Variants in RAB7B observed in about 807,000 individuals in gnomAD.
RAB7B encodes the protein RAB7B, member RAS oncogene family, also known as ras-related protein Rab-7b.
rs1660401400 is a variant in RAB7B, at chr1:205,977,441, A to T, written c.*1410T>A. The stretch of plus-strand genomic sequence containing the variant: ...AAGAAATTGGAATTCTCTGCCTTAC[A>T]AATCCCAAAGGGCTAAACATGCCTC... On this transcript the variant is annotated 3_prime_UTR_variant, in exon 6 of 6. Transcript: ENST00000617070. 1 of 152,216 alleles carries T rather than the reference A, an allele frequency of 6.6e-6. No homozygotes were observed. Among genetic ancestry groups the T allele is most frequent in the Non-Finnish European group, 1.5e-5 (1 of 68,040 alleles). 9.4% of individuals were successfully genotyped at this position (152,216 alleles called of 1,614,324 possible).
intron 4 of RAB7B, 32 bp downstream of exon 4, chr1:205,992,448 G>A (rs1272091231): frequency 2.5e-6 from 1 of 398,572 alleles, no homozygotes; most frequent in Non-Finnish European, 4.4e-6. Context: ...CTCATATAAT[G>A]TTTGTTGAAT....
Position 205,985,674 on chromosome 1 carries a change from G to A in RAB7B, c.397-9C>T, listed in dbSNP as rs1207121887. The A allele has an allele frequency of 8.5e-5, 34 of 399,090 alleles. No individual in the cohort carries two copies. Among genetic ancestry groups the A allele is most frequent in the East Asian group, 4.6e-4 (13 of 28,048 alleles). 24.7% of individuals were successfully genotyped at this position (399,090 alleles called of 1,614,324 possible). On this transcript the variant is annotated splice_polypyrimidine_tract_variant and intron_variant, in intron 4 of 5. Transcript: ENST00000617070. Reference sequence around the variant, plus strand: ...GCTACTTCCTGGGGTACCTGAATGAGGGAAAGAAATAGGCGTGGTGTCTGT... The same window carrying A: ...GCTACTTCCTGGGGTACCTGAATGAAGGAAAGAAATAGGCGTGGTGTCTGT...
chr1:205,987,668 AG>A (rs1205340052), intron 4 of RAB7B, among the ~76,000 whole-genome samples: 1 of 152,258 alleles, frequency 6.6e-6, no homozygotes, highest in Non-Finnish European at 1.5e-5. Context: ...CTGAGCACAG[AG>A]CAAATAATTC....
chr1:205,996,036 G>A (rs1660807817), intron 1 of RAB7B, among the ~76,000 whole-genome samples: 1 of 151,060 alleles, frequency 6.6e-6, no homozygotes, highest in African/African-American at 2.4e-5. Context: ...TATTCTGGTT[G>A]GTAGGAAATT....
chr1:205,996,857 C>T (rs1660818739), intron 1 of RAB7B, among the ~76,000 whole-genome samples: 1 of 152,046 alleles, frequency 6.6e-6, no homozygotes, highest in South Asian at 2.1e-4. Flanking sequence ...AGGAAAAGCC[C>T]CTTATAAAAC....
At chr1:205,999,839 C>A (rs1660864259) in intron 1 of RAB7B, among the ~76,000 whole-genome samples, 2 of 152,220 alleles carry the variant, frequency 1.3e-5, no homozygotes, top group Admixed American at 6.5e-5. Context: ...ATGATCATAG[C>A]TCCCTGCCAC....
At chr1:206,000,413 G>T in intron 1 of RAB7B, among the ~76,000 whole-genome samples, 1 of 152,376 alleles carries the variant, frequency 6.6e-6, no homozygotes, top group East Asian at 1.9e-4. Context: ...AATTACTTCT[G>T]TGAGCAAGAG....
chr1:205,993,971 G>T (rs996163338), intron 2 of RAB7B, 112 bp downstream of exon 2: 1 of 397,428 alleles, frequency 2.5e-6, no homozygotes, highest in Non-Finnish European at 4.4e-6. Flanking sequence ...TACAGTTGCT[G>T]GTGTCACCCT....
In RAB7B at chr1:205,977,452, G is replaced by A. The variant is rs1254975988; in HGVS notation, c.*1399C>T. 6.6e-6 allele frequency: 1 copy of A among 152,106 alleles called. No homozygotes were observed. Among genetic ancestry groups the A allele is most frequent in the Non-Finnish European group, 1.5e-5 (1 of 68,018 alleles). 9.4% of individuals were successfully genotyped at this position (152,106 alleles called of 1,614,324 possible). On this transcript the variant is annotated 3_prime_UTR_variant, in exon 6 of 6. Transcript: ENST00000617070. ...ATTCTCTGCCTTACAAATCCCAAAG[G>A]GCTAAACATGCCTCCAAGCCCATGA... is the stretch of plus-strand genomic sequence containing the variant.
intron 3 of RAB7B, 103 bp downstream of exon 3, chr1:205,993,317 G>C (rs1660756401): frequency 2.5e-6 from 1 of 395,126 alleles, no homozygotes; most frequent in African/African-American, 2.1e-5. Context: ...CTCTGCTCTA[G>C]ACCATTCTAG....
intron 4 of RAB7B, among the ~76,000 whole-genome samples, chr1:205,990,297 G>A (rs1482379518): frequency 6.6e-6 from 1 of 152,218 alleles, no homozygotes; most frequent in Non-Finnish European, 1.5e-5. Context: ...CTCCCAAGAG[G>A]AGGAACAGTT....
chr1:205,980,558 G>A (rs1021302676), intron 5 of RAB7B, among the ~76,000 whole-genome samples: 154 of 152,344 alleles, frequency 1.0e-3, no homozygotes, highest in Admixed American at 1.2e-3. Flanking sequence ...GGGTGTGACT[G>A]TGGGAGTCTG....
intron 5 of RAB7B, among the ~76,000 whole-genome samples, chr1:205,984,768 C>T (rs981763876): frequency 0.21 from 32,527 of 152,086 alleles, 3,997 homozygotes; most frequent in Non-Finnish European, 0.28. Context: ...CTCCTTTTTT[C>T]CCTGTCTTGC....
intron 1 of RAB7B, among the ~76,000 whole-genome samples, chr1:206,000,781 T>C (rs907020731): frequency 0.043 from 6,491 of 152,252 alleles, 430 homozygotes; most frequent in African/African-American, 0.15. Context: ...TCCAGCACAC[T>C]CCTGCAAGGA....
chr1:205,994,360 G>C, intron 1 of RAB7B: 2 of 339,736 alleles, frequency 5.9e-6, no homozygotes, highest in Non-Finnish European at 1.1e-5. Flanking sequence ...AAGCTGGAAG[G>C]GTGGTGACTC....
At chr1:206,000,119 G>A (rs1382099547) in intron 1 of RAB7B, among the ~76,000 whole-genome samples, 3 of 152,148 alleles carry the variant, frequency 2.0e-5, no homozygotes, top group Admixed American at 1.3e-4. Flanking sequence ...GAAGCTACAC[G>A]TGATGGCTTT....
intron 3 of RAB7B, among the ~76,000 whole-genome samples, chr1:205,992,924 C>T (rs1428338375): frequency 1.1e-4 from 17 of 152,218 alleles, no homozygotes; most frequent in Non-Finnish European, 1.5e-5. Context: ...TCTGAGCTCT[C>T]ATTTTTCCTC....
intron 1 of RAB7B, among the ~76,000 whole-genome samples, chr1:205,996,093 T>C (rs1660808613): frequency 2.0e-5 from 3 of 152,040 alleles, no homozygotes; most frequent in African/African-American, 7.2e-5. Context: ...CATTCTTTTT[T>C]TTTTTTACAA....
rs1660770896 is a variant in RAB7B, at chr1:205,994,118, C to T, written c.18G>A (p.Lys6=). 1.3e-5 allele frequency: 5 copies of T among 398,550 alleles called. No individual in the cohort carries two copies. Among genetic ancestry groups the T allele is most frequent in the Non-Finnish European group, 2.2e-5 (5 of 226,118 alleles). The allele number at this position is 398,550 out of a possible 1,614,324, so 24.7% of individuals were successfully genotyped here. The change falls in exon 2 of 6, where the codon AAG becomes AAA. Residue 6 remains lysine, a synonymous_variant. Transcript: ENST00000617070. MNPRK[K]VDLKLIIVGA... is the part of the protein sequence containing the mutation. ...CGACGATAATGAGTTTCAGGTCCACCTTCTTCCGGGGATTCATGGAAGGGC... is the reference window on the plus strand; with the variant it reads ...CGACGATAATGAGTTTCAGGTCCACTTTCTTCCGGGGATTCATGGAAGGGC...
Sources: gnomAD v4.1 joint callset for allele counts (sites outside exome capture counted in the v4.1 genomes callset) on GRCh38, gnomAD v4.1.1 for gene constraint, MANE v1.5 for transcripts, NCBI Gene and HGNC (gene_info 2026-07-23, HGNC 2026-07-21) for gene names.